The following AMMECR1 variants were observed in gnomAD, a reference collection of about 807,000 sequenced individuals.
The protein encoded by AMMECR1 is nuclear protein AMMECR1.
A neutral mutation model predicts 22.5 loss-of-function variants in AMMECR1; 3 were observed. That is an observed-to-expected ratio of 0.13 (90% CI 0.06 to 0.35). The LOEUF is 0.35. Among genes scored for constraint, AMMECR1 ranks in the 10% least tolerant of loss-of-function variants. The pLI, the probability that AMMECR1 is intolerant of heterozygous loss-of-function variation, is 1.00. For missense variants in AMMECR1, 235 were observed against 278.7 expected, an observed-to-expected ratio of 0.84 and a Z score of 1.12; for synonymous variants, 130 against 116.7, an observed-to-expected ratio of 1.11 and a Z score of -0.74.
In AMMECR1 at chrX:110,256,524, AC is replaced by A. The variant is rs1188797950; in HGVS notation, c.584+7964del. On this transcript the variant is annotated intron_variant, in intron 2 of 5. Coordinates refer to ENST00000262844, the MANE Select transcript of AMMECR1 (RefSeq NM_015365.3). ...AGATAATGTAGTTCTTTAGGACAGG[AC>A]TTTTATGTTGAAAGTTTGCTCTTTA... 1.9e-4 allele frequency among the ~76,000 whole-genome samples: 21 copies of A among 111,643 alleles called. No homozygotes were observed. In the Admixed American group the frequency reaches 2.0e-3, roughly 11 times the overall value.
intron 1 of AMMECR1, among the ~76,000 whole-genome samples, chrX:110,290,391 T>C (rs1332797549): frequency 8.9e-6 from 1 of 111,953 alleles, no homozygotes; most frequent in Admixed American, 9.5e-5. Context: ...CAACTACTAT[T>C]ATCTATTTTA....
rs754620005 is a variant in AMMECR1, at chrX:110,313,457, A to C, written c.473+4142T>G. On this transcript the variant is annotated intron_variant, in intron 1 of 5. Coordinates refer to ENST00000262844, the MANE Select transcript of AMMECR1 (RefSeq NM_015365.3). ...TAAGACTGAACAATCCCAGTGCCTTAGCAGAATCCTTTCATATTTTTGTTA... is the reference window on the plus strand; with the variant it reads ...TAAGACTGAACAATCCCAGTGCCTTCGCAGAATCCTTTCATATTTTTGTTA... Among the ~76,000 whole-genome samples, 3 of 112,201 alleles carry C rather than the reference A, an allele frequency of 2.7e-5. No individual in the cohort carries two copies. The East Asian group carries it at 8.3e-4, about 31-fold the overall frequency.
chrX:110,324,684 A>AT (rs914133259), intron 2 of AMMECR1, among the ~76,000 whole-genome samples: 9 of 100,003 alleles, frequency 9.0e-5, no homozygotes, highest in Admixed American at 4.3e-4. Flanking sequence ...GACAGGTTGG[A>AT]TTTTTTGTCA....
intron 2 of AMMECR1, among the ~76,000 whole-genome samples, chrX:110,388,304 G>A (rs1244247610): frequency 8.9e-6 from 1 of 112,136 alleles, no homozygotes; most frequent in East Asian, 2.8e-4. Context: ...GTTATTGATT[G>A]ATAGGATTCT....
At chrX:110,250,520 T>C (rs956635811) in intron 2 of AMMECR1, among the ~76,000 whole-genome samples, 12 of 112,145 alleles carry the variant, frequency 1.1e-4, no homozygotes, top group Non-Finnish European at 2.1e-4. Flanking sequence ...ACTCCTAAAC[T>C]CCTAAAGACT....
chrX:110,374,554 A>G (rs1306633529), intron 2 of AMMECR1, among the ~76,000 whole-genome samples: 2 of 112,118 alleles, frequency 1.8e-5, no homozygotes, highest in African/African-American at 6.5e-5. Context: ...AAGGCTGTCA[A>G]ATGAGGTCCT....
At chrX:110,235,786 C>A (rs138132372) in intron 2 of AMMECR1, among the ~76,000 whole-genome samples, 4 of 110,736 alleles carry the variant, frequency 3.6e-5, no homozygotes, top group East Asian at 5.7e-4. Flanking sequence ...ACACAGGGTG[C>A]GGGACATCAC....
chrX:110,203,021 T>C (rs1293464962), intron 3 of AMMECR1, among the ~76,000 whole-genome samples: 2 of 111,910 alleles, frequency 1.8e-5, no homozygotes, highest in Non-Finnish European at 3.8e-5. Context: ...AAATTATACG[T>C]AGGCAAGCAA....
intron 2 of AMMECR1, among the ~76,000 whole-genome samples, chrX:110,408,007 A>G (rs1378526798): frequency 8.9e-6 from 1 of 112,547 alleles, no homozygotes; most frequent in Admixed American, 9.4e-5. Flanking sequence ...AAGAGCTGGC[A>G]TATGCCGCAA....
chrX:110,306,742 G>T (rs1300814184), intron 1 of AMMECR1: 1 of 111,803 alleles, frequency 8.9e-6, no homozygotes, highest in Non-Finnish European at 1.9e-5. Context: ...ACAGGCGTGA[G>T]CCACCGCGCC....
intron 2 of AMMECR1, among the ~76,000 whole-genome samples, chrX:110,341,523 G>A (rs1279538196): frequency 8.9e-6 from 1 of 112,149 alleles, no homozygotes; most frequent in Non-Finnish European, 1.9e-5. Context: ...GTAGGGTGAT[G>A]AAATCTTGCA....
At chrX:110,291,081 G>C (rs2067905621) in intron 1 of AMMECR1, among the ~76,000 whole-genome samples, 2 of 111,581 alleles carry the variant, frequency 1.8e-5, no homozygotes, top group African/African-American at 6.5e-5. Flanking sequence ...AATTCACTCA[G>C]CACGTTTATA....
chrX:110,433,276 A>T (rs1321533069), intron 1 of AMMECR1, among the ~76,000 whole-genome samples: 2 of 112,599 alleles, frequency 1.8e-5, no homozygotes, highest in Admixed American at 9.4e-5. Flanking sequence ...CATAGCCCGT[A>T]TCCTCAAAGA....
At chrX:110,391,828 C>T (rs2068495749) in intron 2 of AMMECR1, among the ~76,000 whole-genome samples, 2 of 112,170 alleles carry the variant, frequency 1.8e-5, no homozygotes, top group African/African-American at 6.5e-5. Flanking sequence ...GCATCATCTT[C>T]CCCTTTTTTA....
intron 2 of AMMECR1, among the ~76,000 whole-genome samples, chrX:110,404,231 AC>A (rs1167059360): frequency 9.0e-6 from 1 of 111,488 alleles, no homozygotes; most frequent in African/African-American, 3.3e-5. Context: ...AATACCTTTA[AC>A]CTTTTCCCCT....
At chrX:110,282,390 T>G (rs944655343) in intron 1 of AMMECR1, among the ~76,000 whole-genome samples, 1 of 110,615 alleles carries the variant, frequency 9.0e-6, no homozygotes, top group Admixed American at 9.7e-5. Flanking sequence ...CATGAAGGAA[T>G]CATCCTATTC....
intron 1 of AMMECR1, among the ~76,000 whole-genome samples, chrX:110,291,312 C>T (rs2067907223): frequency 1.8e-5 from 2 of 110,770 alleles, no homozygotes; most frequent in Non-Finnish European, 3.8e-5. Flanking sequence ...CACTTGGGGT[C>T]AGGAGTTCAA....
At chrX:110,320,903 T>C (rs1403185657), upstream of AMMECR1, among the ~76,000 whole-genome samples, 2 of 112,127 alleles carry the variant, frequency 1.8e-5, no homozygotes, top group Non-Finnish European at 3.8e-5. Context: ...AACACTAACC[T>C]TTATCTTTGT....
chrX:110,437,818 ATC>A (rs199518840), intron 1 of AMMECR1, among the ~76,000 whole-genome samples: 1,686 of 111,120 alleles, frequency 0.015, 25 homozygotes, highest in African/African-American at 0.052. Flanking sequence ...AGATTGTTAG[ATC>A]TGTTTGTTCC....
Sources: gnomAD v4.1 joint callset for allele counts (sites outside exome capture counted in the v4.1 genomes callset) on GRCh38, gnomAD v4.1.1 for gene constraint, MANE v1.5 for transcripts, NCBI Gene and HGNC (gene_info 2026-07-23, HGNC 2026-07-21) for gene names.